SASH1: variants seen among roughly 807,000 people sequenced by gnomAD.
SASH1 encodes SAM and SH3 domain containing 1.
A neutral mutation model predicts 125.2 loss-of-function variants in SASH1; 44 were observed. The ratio of observed to expected loss-of-function variants is 0.35; its 90% confidence interval spans 0.28 to 0.45. The LOEUF (loss-of-function observed/expected upper bound fraction) is 0.45, where lower values mean the gene tolerates loss of function less well. Ranked by LOEUF, SASH1 falls within the 20% of genes least tolerant of loss-of-function variation. The probability of loss-of-function intolerance (pLI) is 1.00; values close to 1 mark genes in which losing one functional copy is unlikely to be tolerated. For missense variants in SASH1, 1,426 were observed against 1,614.5 expected, an observed-to-expected ratio of 0.88 and a Z score of 2.00; for synonymous variants, 639 against 649.1, an observed-to-expected ratio of 0.98 and a Z score of 0.24.
upstream of SASH1, among the ~76,000 whole-genome samples, chr6:148,270,292 G>A (rs1779031294): frequency 1.3e-5 from 2 of 152,124 alleles, no homozygotes; most frequent in African/African-American, 2.4e-5. Context: ...CCTCCACCCC[G>A]GGTATCCCTC....
rs76788197 is a variant in SASH1 at position 148,497,654 on chromosome 6, A to G, written c.729+9939A>G. Among the ~76,000 whole-genome samples the G allele has an allele frequency of 1.4e-3, 210 of 152,366 alleles. 5 individuals are homozygous for G. The East Asian group carries it at 0.027, about 20-fold the overall frequency. On this transcript the variant is annotated intron_variant, in intron 8 of 19. Coordinates refer to ENST00000367467, the MANE Select transcript of SASH1 (RefSeq NM_015278.5). ...TGCTATTTTTGTACATGCCATTAAC[A>G]TGGTAGTAATGGCTTATATTCATGT...
rs757149970 is a variant in SASH1 at position 148,543,732 on chromosome 6, C to T, written c.2262C>T (p.Ser754=). 1.9e-6 allele frequency: 3 copies of T among 1,592,336 alleles called. No individual in the cohort carries two copies. The Admixed American group carries it at 5.1e-5, about 27-fold the overall frequency. ...LLSAKSSTEP[S]LKSFSRNQLG... ...CTGCCAAGTCATCCACCGAGCCCAG[C>T]TTGAAGTCTTTTAGCAGAAACCAGT... The change falls in exon 18 of 20, where the codon AGC becomes AGT. Residue 754 remains serine, a synonymous_variant. Coordinates refer to ENST00000367467, the MANE Select transcript of SASH1 (RefSeq NM_015278.5).
chr6:148,360,636 A>C (rs868821726), intron 1 of SASH1, among the ~76,000 whole-genome samples: 940 of 127,102 alleles, frequency 7.4e-3, no homozygotes, highest in Admixed American at 0.011. Flanking sequence ...GGCGTGAGCC[A>C]CCCCCCCGCC....
At chr6:148,486,618 TA>T (rs1254127758) in intron 7 of SASH1, among the ~76,000 whole-genome samples, 5 of 151,646 alleles carry the variant, frequency 3.3e-5, no homozygotes, top group Non-Finnish European at 7.4e-5. Flanking sequence ...ATGTGATTGT[TA>T]AAAATCTGTT....
chr6:148,463,918 T>C (rs9377141), intron 4 of SASH1, among the ~76,000 whole-genome samples: 68,987 of 151,980 alleles, frequency 0.45, 16,118 homozygotes, highest in East Asian at 0.76. Context: ...CAGTCGCCCT[T>C]CTTGAATCTG....
At chr6:148,417,318 G>A (rs921402876) in intron 2 of SASH1, among the ~76,000 whole-genome samples, 4 of 152,122 alleles carry the variant, frequency 2.6e-5, no homozygotes, top group African/African-American at 9.7e-5. Context: ...CGGGCGCGGT[G>A]GCTCATGCCT....
At chr6:148,226,715 G>GT in the SASH1 span, among the ~76,000 whole-genome samples, 2 of 152,156 alleles carry the variant, frequency 1.3e-5, no homozygotes, top group Admixed American at 6.6e-5. Context: ...AATGGCTGTT[G>GT]TAAGTACACT....
chr6:148,262,116 ACACG>A, the SASH1 span, among the ~76,000 whole-genome samples: 4 of 151,942 alleles, frequency 2.6e-5, no homozygotes, highest in Middle Eastern at 3.4e-3. Flanking sequence ...ACACACACAC[ACACG>A]CACGGGCTTG....
At chr6:148,219,811 G>A in the SASH1 span, among the ~76,000 whole-genome samples, 1 of 152,198 alleles carries the variant, frequency 6.6e-6, no homozygotes, top group African/African-American at 2.4e-5. Flanking sequence ...TTGCAGGCCT[G>A]GGTGTTTCCC....
At chr6:148,538,042 T>C (rs778048827) in intron 16 of SASH1, among the ~76,000 whole-genome samples, 1 of 152,214 alleles carries the variant, frequency 6.6e-6, no homozygotes, top group Admixed American at 6.5e-5. Flanking sequence ...GTCATGGTCT[T>C]GATTCTGCAC....
intron 5 of SASH1, among the ~76,000 whole-genome samples, chr6:148,469,893 G>A (rs2115117236): frequency 6.6e-6 from 1 of 152,028 alleles, no homozygotes; most frequent in African/African-American, 2.4e-5. Context: ...GGGCGTGGTG[G>A]CTCCTGCCTG....
intron 1 of SASH1, among the ~76,000 whole-genome samples, chr6:148,387,905 ATTTTTTTTT>A (rs71004291): frequency 0.016 from 866 of 54,058 alleles, 27 homozygotes; most frequent in African/African-American, 0.054. Flanking sequence ...CGCCCTGCTA[ATTTTTTTTT>A]TTTTTTTTTT....
At chr6:148,482,397 A>G (rs1778666246) in intron 7 of SASH1, among the ~76,000 whole-genome samples, 1 of 152,226 alleles carries the variant, frequency 6.6e-6, no homozygotes, top group Admixed American at 6.5e-5. Context: ...CATTGATCTG[A>G]TAATGTATGT....
upstream of SASH1, among the ~76,000 whole-genome samples, chr6:148,269,746 T>A (rs1779019919): frequency 6.6e-6 from 1 of 152,198 alleles, no homozygotes. Flanking sequence ...AGTATATGAA[T>A]CTGAGGGGTG....
intron 1 of SASH1, among the ~76,000 whole-genome samples, chr6:148,315,701 C>T (rs552817199): frequency 1.1e-4 from 16 of 152,254 alleles, no homozygotes; most frequent in African/African-American, 1.4e-4. Context: ...CCCAGGAATT[C>T]GAGACCTGCC....
chr6:148,320,240 C>T lies in SASH1; in HGVS notation n.74+47863C>T, dbSNP rs1486943490. Reference sequence around the variant, plus strand: ...ATCCCCTAAGGATAAAGGGAGAATACTTTACTTCAGATCGCAGAGCCTGTG... The same window carrying T: ...ATCCCCTAAGGATAAAGGGAGAATATTTTACTTCAGATCGCAGAGCCTGTG... On this transcript the variant is annotated intron_variant and non_coding_transcript_variant, in intron 1 of 3. Transcript: ENST00000367469. Among the ~76,000 whole-genome samples the T allele has an allele frequency of 2.6e-5, 4 of 152,312 alleles. No individual in the cohort carries two copies. In the East Asian group the frequency reaches 7.7e-4, roughly 29 times the overall value.
intron 1 of SASH1, among the ~76,000 whole-genome samples, chr6:148,330,730 C>T (rs1018769128): frequency 2.2e-4 from 34 of 152,080 alleles, no homozygotes; most frequent in African/African-American, 6.3e-4. Context: ...GGATTAGAGG[C>T]GCCTGCCACC....
chr6:148,521,597 A>G (rs1392410138), intron 10 of SASH1, among the ~76,000 whole-genome samples: 1 of 152,122 alleles, frequency 6.6e-6, no homozygotes, highest in East Asian at 1.9e-4. Context: ...TAATACTACT[A>G]GTATGTAGCA....
intron 12 of SASH1, among the ~76,000 whole-genome samples, chr6:148,531,265 A>AT (rs139957587): frequency 0.084 from 12,696 of 150,586 alleles, 1,201 homozygotes; most frequent in African/African-American, 0.23. Flanking sequence ...TGGTAGACAG[A>AT]TTTTTTTTTT....
Sources: allele counts gnomAD v4.1 joint callset (sites outside exome capture counted in the v4.1 genomes callset), GRCh38; gene constraint gnomAD v4.1.1; transcripts MANE v1.5; gene names NCBI Gene and HGNC (gene_info 2026-07-23, HGNC 2026-07-21).